Variants in ZNF367 observed in about 807,000 individuals in gnomAD.
The protein encoded by ZNF367 is zinc finger protein 367, also known as C2H2 zinc finger protein ZFF29.
Under a neutral mutation model 31.8 loss-of-function variants are expected in ZNF367, and 11 were observed. The ratio of observed to expected loss-of-function variants is 0.35; its 90% CI spans 0.22 to 0.57. The LOEUF is 0.57. ZNF367 is among the 20% of genes least tolerant of loss of function. The pLI is 0.85. For synonymous variants in ZNF367, 199 were observed against 202.4 expected, an observed-to-expected ratio of 0.98 and a Z score of 0.14; for missense variants, 353 against 484.1, an observed-to-expected ratio of 0.73 and a Z score of 2.54.
At chr9:96,416,317 A>G (rs1055145456) in intron 1 of ZNF367, among the ~76,000 whole-genome samples, 2 of 151,030 alleles carry the variant, frequency 1.3e-5, no homozygotes, top group Non-Finnish European at 3.0e-5. Flanking sequence ...TGATCTCCTG[A>G]CCTCGTGATC....
intron 1 of ZNF367, among the ~76,000 whole-genome samples, chr9:96,400,910 A>C (rs188673333): frequency 1.3e-5 from 2 of 152,344 alleles, no homozygotes; most frequent in Admixed American, 6.5e-5. Context: ...AAATGACAAA[A>C]AGAATCTTGA....
At chr9:96,400,226 C>T (rs917852609) in intron 1 of ZNF367, among the ~76,000 whole-genome samples, 4 of 151,590 alleles carry the variant, frequency 2.6e-5, no homozygotes, top group African/African-American at 9.7e-5. Flanking sequence ...GCAAGACCCC[C>T]TTTCTAAAAG....
intron 4 of ZNF367, 38 bp downstream of exon 4, chr9:96,392,360 G>T: frequency 6.2e-7 from 1 of 1,613,910 alleles, no homozygotes; most frequent in Non-Finnish European, 8.5e-7. Context: ...AGCCCGCGCT[G>T]TGCATCTTCA....
intron 1 of ZNF367, among the ~76,000 whole-genome samples, chr9:96,400,311 T>A (rs1010167564): frequency 6.7e-6 from 1 of 149,088 alleles, no homozygotes; most frequent in Middle Eastern, 3.4e-3. Context: ...GAGAATTACT[T>A]GACCCTGCAA....
At position 96,387,375 on chromosome 9, in the gene ZNF367, G is replaced by A. The variant is rs1477004993; in HGVS notation, c.*862C>T. 1 of 152,110 alleles carries A rather than the reference G, an allele frequency of 6.6e-6. No homozygotes were observed. Among genetic ancestry groups the A allele is most frequent in the Non-Finnish European group, 1.5e-5 (1 of 68,024 alleles). The allele number at this position is 152,110 out of a possible 1,614,324, so 9.4% of individuals were successfully genotyped here. On this transcript the variant is annotated 3_prime_UTR_variant, in exon 5 of 5. Coordinates refer to ENST00000375256, the MANE Select transcript of ZNF367 (RefSeq NM_153695.4). ...ATTTCACTACAAAACAACCCTGCAG[G>A]TGTCCCTTTAGTAAAAATCCAAGTG...
chr9:96,398,381 A>G, intron 1 of ZNF367, 67 bp from the exon 2 acceptor site: 1 of 1,422,960 alleles, frequency 7.0e-7, no homozygotes. Flanking sequence ...AACGTATCAT[A>G]ATATAACTTT....
rs550621110 is a variant in ZNF367, at chr9:96,398,373, C to T, written c.421-59G>A. 40 of 1,463,522 alleles carry T rather than the reference C, an allele frequency of 2.7e-5. No homozygotes were observed. The African/African-American group carries it at 4.4e-4, about 16-fold the overall frequency. The allele number at this position is 1,463,522 out of a possible 1,614,324, so 90.7% of individuals were successfully genotyped here. ...TATTTAACGCTACTCATTAAAGCAA[C>T]GTATCATAATATAACTTTCAAAAAT... On this transcript the variant is annotated intron_variant, in intron 1 of 4. Coordinates refer to ENST00000375256, the MANE Select transcript of ZNF367 (RefSeq NM_153695.4).
intron 3 of ZNF367, among the ~76,000 whole-genome samples, chr9:96,394,179 G>A (rs192316165): frequency 3.3e-5 from 5 of 152,202 alleles, no homozygotes; most frequent in African/African-American, 9.6e-5. Context: ...GCCCTTTAAG[G>A]TTTCATCAAA....
rs1038470467 is a variant in ZNF367, at chr9:96,417,079, C to T, written c.420+534G>A. Among the ~76,000 whole-genome samples the T allele has an allele frequency of 6.6e-6, 1 of 152,252 alleles. No homozygotes were observed. The highest frequency in any genetic ancestry group is 6.5e-5 in the Admixed American group (1 of 15,288). On this transcript the variant is annotated intron_variant, in intron 1 of 4. Transcript: ENST00000375256. The surrounding 1 kb of genome is among the most constrained non-coding windows in gnomAD (Gnocchi z 5.0). ...CCCATTCCACTATGTGCTCTCAACACCTAGCAAGTAGTATGCTGGATAAAT... is the reference window on the plus strand; with the variant it reads ...CCCATTCCACTATGTGCTCTCAACATCTAGCAAGTAGTATGCTGGATAAAT...
At chr9:96,415,379 C>G (rs184827976) in intron 1 of ZNF367, among the ~76,000 whole-genome samples, 1 of 149,296 alleles carries the variant, frequency 6.7e-6, no homozygotes, top group East Asian at 2.1e-4. Context: ...ACCGATCCAT[C>G]TTACATCTCA....
intron 1 of ZNF367, among the ~76,000 whole-genome samples, chr9:96,408,281 CAG>C (rs1182996245): frequency 6.6e-6 from 1 of 152,058 alleles, no homozygotes; most frequent in African/African-American, 2.4e-5. Context: ...GAAATGAAAA[CAG>C]AATCTCAAAG....
chr9:96,416,554 A>T (rs984398453), intron 1 of ZNF367, among the ~76,000 whole-genome samples: 4 of 152,238 alleles, frequency 2.6e-5, no homozygotes, highest in Admixed American at 2.0e-4. Flanking sequence ...GACTGCATGT[A>T]AAATGATCAA....
intron 1 of ZNF367, among the ~76,000 whole-genome samples, chr9:96,401,657 CAAAAAA>C (rs35400858): frequency 5.2e-5 from 4 of 77,234 alleles, no homozygotes; most frequent in Non-Finnish European, 1.0e-4. Flanking sequence ...AGCTCCGTCT[CAAAAAA>C]AAAAAAAAAA....
chr9:96,408,016 T>C (rs1465238836), intron 1 of ZNF367, among the ~76,000 whole-genome samples: 3 of 144,978 alleles, frequency 2.1e-5, no homozygotes, highest in East Asian at 3.9e-4. Context: ...AATAAATAAA[T>C]AAACGTTGGA....
At chr9:96,393,978 C>T (rs565592838) in intron 3 of ZNF367, among the ~76,000 whole-genome samples, 2 of 152,252 alleles carry the variant, frequency 1.3e-5, no homozygotes, top group South Asian at 2.1e-4. Context: ...ACAGATTGCA[C>T]GGAACTTCAA....
chr9:96,395,830 G>A (rs1208005681), intron 2 of ZNF367, among the ~76,000 whole-genome samples: 3 of 146,308 alleles, frequency 2.1e-5, no homozygotes, highest in Non-Finnish European at 3.0e-5. Flanking sequence ...AGACAACACA[G>A]TGCCAGGCTC....
intron 3 of ZNF367, among the ~76,000 whole-genome samples, chr9:96,393,739 G>C (rs945322168): frequency 6.6e-6 from 1 of 152,126 alleles, no homozygotes; most frequent in East Asian, 1.9e-4. Flanking sequence ...GCTGAGGCAG[G>C]AGAATCGCTT....
At position 96,396,684 on chromosome 9, in the gene ZNF367, T is replaced by C. The variant is rs905624626; in HGVS notation, c.571+1480A>G. ...AGGTGAAATAAATTTTTTTTTTTTTTTGAGATTGAGTTTTGTTCTTGTTGC... is the reference window on the plus strand; with the variant it reads ...AGGTGAAATAAATTTTTTTTTTTTTCTGAGATTGAGTTTTGTTCTTGTTGC... On this transcript the variant is annotated intron_variant, in intron 2 of 4. Transcript: ENST00000375256. Among the ~76,000 whole-genome samples, 5 of 152,172 alleles carry C rather than the reference T, an allele frequency of 3.3e-5. No homozygotes were observed. In the East Asian group the frequency reaches 7.7e-4, roughly 24 times the overall value.
At chr9:96,388,515 T>C in intron 4 of ZNF367, 56 bp from the exon 5 acceptor site, 1 of 1,502,094 alleles carries the variant, frequency 6.7e-7, no homozygotes, top group South Asian at 1.3e-5. Flanking sequence ...TCCAAATGTT[T>C]ACTTTTCTTT....
Sources: gnomAD v4.1 joint callset for allele counts (sites outside exome capture counted in the v4.1 genomes callset) on GRCh38, gnomAD v4.1.1 for gene constraint, Gnocchi (gnomAD v3.1) non-coding constraint, MANE v1.5 for transcripts, NCBI Gene and HGNC (gene_info 2026-07-23, HGNC 2026-07-21) for gene names.